The following GRAMD2A variants were observed in gnomAD, a reference collection of about 807,000 sequenced individuals.
The protein encoded by GRAMD2A is GRAM domain containing 2A.
In GRAMD2A, 37 loss-of-function variants were observed where a neutral mutation model predicts 51.1. The observed-to-expected ratio is 0.72, with a 90% CI of 0.56 to 0.95. The LOEUF is 0.95. Among genes scored for constraint, GRAMD2A ranks in the 40% least tolerant of loss-of-function variants. The pLI is 0.00. For missense variants in GRAMD2A, 414 were observed against 426.9 expected (o/e 0.97, Z 0.27); for synonymous variants, 136 against 157.1 (o/e 0.87, Z 1.01).
intron 1 of GRAMD2A, among the ~76,000 whole-genome samples, chr15:72,182,362 C>CAAAAAAA (rs36075463): frequency 4.2e-5 from 2 of 47,568 alleles, no homozygotes; most frequent in African/African-American, 8.6e-5. Flanking sequence ...GAGACTGTCT[C>CAAAAAAA]AAAAAAAAAA....
At chr15:72,164,411 ATTTT>A (rs57619595) in intron 8 of GRAMD2A, among the ~76,000 whole-genome samples, 1 of 143,630 alleles carries the variant, frequency 7.0e-6, no homozygotes. Context: ...GACATCTTTT[ATTTT>A]TTTTTTTTTT....
chr15:72,197,638 CG>C (rs1207059045), intron 1 of GRAMD2A, 92 bp downstream of exon 1: 1 of 1,039,406 alleles, frequency 9.6e-7, no homozygotes, highest in African/African-American at 1.7e-5. Flanking sequence ...CGAGTTGCCG[CG>C]GCCCCAGGAG....
At chr15:72,189,709 A>G (rs1333769439) in intron 1 of GRAMD2A, among the ~76,000 whole-genome samples, 1 of 152,240 alleles carries the variant, frequency 6.6e-6, no homozygotes, top group Non-Finnish European at 1.5e-5. Flanking sequence ...CCTACTGTGT[A>G]CTAGGCCATT....
rs2081544575 is a variant in GRAMD2A at position 72,166,367 on chromosome 15, TG to T, written c.543+264del. Among the ~76,000 whole-genome samples, 1 of 152,192 alleles carries T rather than the reference TG, an allele frequency of 6.6e-6. No individual in the cohort carries two copies. The highest frequency in any genetic ancestry group is 1.5e-5 in the Non-Finnish European group (1 of 68,022). ...GACTTACGATATTTTCAACTTTTGA[TG>T]GGTTCATGGGACATAAGCCCATGAA... On this transcript the variant is annotated intron_variant, in intron 7 of 11. Transcript: ENST00000309731. The surrounding 1 kb of genome is among the most constrained non-coding windows in gnomAD (Gnocchi z 4.1).
At position 72,181,059 on chromosome 15, in the gene GRAMD2A, G is replaced by A. The variant is rs141031557; in HGVS notation, c.42-11120C>T. ...CAAATGGAGAAGGGGGATTCTGGGC[G>A]GACAGGGTCACTGTAGAGGGGTTGC... On this transcript the variant is annotated intron_variant, in intron 1 of 11. Coordinates refer to ENST00000309731, the MANE Select transcript of GRAMD2A (RefSeq NM_001012642.3). Among the ~76,000 whole-genome samples the A allele has an allele frequency of 4.9e-4, 74 of 152,324 alleles. No homozygotes were observed. The East Asian group carries it at 9.3e-3, about 19-fold the overall frequency.
chr15:72,193,375 C>T (rs943987339), intron 1 of GRAMD2A, among the ~76,000 whole-genome samples: 7 of 151,624 alleles, frequency 4.6e-5, no homozygotes, highest in Non-Finnish European at 8.8e-5. Context: ...CGCCACCACG[C>T]CCAGCAAATT....
Position 72,162,272 on chromosome 15 carries a change from C to G in GRAMD2A, c.1061+1G>C, listed in dbSNP as rs773623710. On this transcript the variant is annotated splice_donor_variant, in intron 11 of 11. Coordinates refer to ENST00000309731, the MANE Select transcript of GRAMD2A (RefSeq NM_001012642.3). LOFTEE classifies it high-confidence loss of function. ...GGCATTAGAAAGAGAAAAGGCCTCA[C>G]CTGTGCCCAGGGACTGGGTCATCCC... 1.2e-6 allele frequency: 2 copies of G among 1,607,628 alleles called. No individual in the cohort carries two copies. The highest frequency in any genetic ancestry group is 2.2e-5 in the South Asian group (2 of 90,852).
intron 1 of GRAMD2A, among the ~76,000 whole-genome samples, chr15:72,172,666 G>C (rs1436448592): frequency 6.8e-6 from 1 of 147,086 alleles, no homozygotes; most frequent in Non-Finnish European, 1.5e-5. Context: ...CTGATCTCAG[G>C]TGATTCACCT....
chr15:72,194,752 ATC>A, intron 1 of GRAMD2A, among the ~76,000 whole-genome samples: 1 of 152,104 alleles, frequency 6.6e-6, no homozygotes, highest in Admixed American at 6.5e-5. Flanking sequence ...CAGTTGCGTG[ATC>A]TCAGCTCACT....
intron 1 of GRAMD2A, among the ~76,000 whole-genome samples, chr15:72,176,801 C>T (rs1249217786): frequency 1.3e-5 from 2 of 151,202 alleles, no homozygotes; most frequent in Non-Finnish European, 2.9e-5. Flanking sequence ...AGGACACTCT[C>T]CTTTTAACTC....
chr15:72,184,454 GC>G (rs1240834043), intron 1 of GRAMD2A, among the ~76,000 whole-genome samples: 2 of 152,334 alleles, frequency 1.3e-5, no homozygotes, highest in East Asian at 3.9e-4. Flanking sequence ...CCGCAGCCGT[GC>G]CCCCACCTGC....
intron 1 of GRAMD2A, among the ~76,000 whole-genome samples, chr15:72,192,381 A>T (rs1056657037): frequency 2.0e-5 from 3 of 152,250 alleles, no homozygotes; most frequent in African/African-American, 7.2e-5. Context: ...TTATTTTAAA[A>T]TAAAATTTCT....
chr15:72,174,395 G>A (rs1193455895), intron 1 of GRAMD2A, among the ~76,000 whole-genome samples: 1 of 152,118 alleles, frequency 6.6e-6, no homozygotes, highest in African/African-American at 2.4e-5. Flanking sequence ...TTTTTGTCGC[G>A]CTAGGTGTTC....
At chr15:72,168,126 T>G (rs1348710799) in intron 4 of GRAMD2A, among the ~76,000 whole-genome samples, 1 of 152,152 alleles carries the variant, frequency 6.6e-6, no homozygotes, top group Admixed American at 6.5e-5. Context: ...CAAGCCTGCA[T>G]TCTCACCACC....
intron 1 of GRAMD2A, among the ~76,000 whole-genome samples, chr15:72,187,240 G>T (rs1440765233): frequency 6.6e-6 from 1 of 151,656 alleles, no homozygotes; most frequent in Non-Finnish European, 1.5e-5. Flanking sequence ...ATACTTAAGG[G>T]TATATATCAA....
At chr15:72,169,199 C>A (rs920602278) in intron 2 of GRAMD2A, 34 of 601,270 alleles carry the variant, frequency 5.7e-5, no homozygotes, top group African/African-American at 5.6e-4. Context: ...GAGGGCACTG[C>A]GGGAGGTAGA....
intron 2 of GRAMD2A, chr15:72,169,404 G>A (rs2081584472): frequency 2.0e-6 from 1 of 492,956 alleles, no homozygotes; most frequent in Admixed American, 2.4e-5. Context: ...TGAGGTGAAG[G>A]TGTCAGACTC....
chr15:72,165,214 A>T (rs978904628), intron 8 of GRAMD2A, 140 bp downstream of exon 8: 1 of 725,732 alleles, frequency 1.4e-6, no homozygotes, highest in African/African-American at 1.8e-5. Flanking sequence ...GGTTTAAGAG[A>T]TGCCCTGGCA....
At chr15:72,197,620 G>GAACGCGCCGAGTTGA (rs1596705233) in intron 1 of GRAMD2A, 111 bp downstream of exon 1, 2 of 886,220 alleles carry the variant, frequency 2.3e-6, no homozygotes, top group East Asian at 8.3e-5. Context: ...CCCGTGGGCA[G>GAACGCGCCGAGTTGA]AACGCGCCGA....
Sources: allele counts gnomAD v4.1 joint callset (sites outside exome capture counted in the v4.1 genomes callset), GRCh38; gene constraint gnomAD v4.1.1; non-coding constraint Gnocchi (gnomAD v3.1); transcripts MANE v1.5; gene names NCBI Gene and HGNC (gene_info 2026-07-23, HGNC 2026-07-21).